Variants in NOD2 observed in about 807,000 individuals in gnomAD.
The protein encoded by NOD2 is nucleotide binding oligomerization domain containing 2, also known as nucleotide-binding oligomerization domain-containing protein 2.
Under a neutral mutation model 90.9 loss-of-function variants are expected in NOD2, and 86 were observed. That is an observed-to-expected ratio of 0.95 (90% CI 0.79 to 1.13). The LOEUF is 1.13. Among genes scored for constraint, NOD2 ranks in the 50% most tolerant of loss-of-function variants. NOD2 has a pLI of 0.00. For synonymous variants in NOD2, 581 were observed against 554.6 expected, an observed-to-expected ratio of 1.05 and a Z score of -0.67; for missense variants, 1,238 against 1,283.8, an observed-to-expected ratio of 0.96 and a Z score of 0.55.
At chr16:50,725,608 T>G (rs1260052312) in intron 10 of NOD2, 36 bp downstream of exon 10, 3 of 1,521,644 alleles carry the variant, frequency 2.0e-6, no homozygotes, top group Non-Finnish European at 9.1e-7. Flanking sequence ...GGACAATAAT[T>G]GCTGGCCTTT....
At chr16:50,719,553 A>G (rs1007319363) in intron 6 of NOD2, among the ~76,000 whole-genome samples, 4 of 152,160 alleles carry the variant, frequency 2.6e-5, no homozygotes, top group Non-Finnish European at 5.9e-5. Context: ...CAGATCTGGG[A>G]AGGCTGCAGA....
In NOD2 at chr16:50,723,272, A is replaced by G. The variant is rs368687248; in HGVS notation, c.2718-29A>G. ...ATCTCTGAGGTCTTTCCCTGCTCTG[A>G]CATACTTTTGTTCCATGATTACCTC... On this transcript the variant is annotated intron_variant, in intron 8 of 11. Transcript: ENST00000647318. 5.0e-6 allele frequency: 8 copies of G among 1,608,040 alleles called. No individual in the cohort carries two copies. The African/African-American group carries it at 1.1e-4, about 21-fold the overall frequency.
At chr16:50,728,399 C>A in intron 10 of NOD2, 1 of 301,294 alleles carries the variant, frequency 3.3e-6, no homozygotes, top group South Asian at 3.2e-5. Flanking sequence ...ATTTTGAATT[C>A]AAATAAGAAA....
At chr16:50,730,923 G>A (rs74457704) in intron 11 of NOD2, among the ~76,000 whole-genome samples, 1,827 of 152,312 alleles carry the variant, frequency 0.012, 37 homozygotes, top group African/African-American at 0.041. Context: ...GCTTTGCTGG[G>A]CGTGGCAGCT....
At chr16:50,710,522 G>A in intron 3 of NOD2, 36 bp from the exon 4 acceptor site, 3 of 1,613,766 alleles carry the variant, frequency 1.9e-6, no homozygotes, top group Non-Finnish European at 2.5e-6. Flanking sequence ...CTTCACCATG[G>A]TGCCACCTTC....
At chr16:50,708,478 C>T (rs1363176222) in intron 3 of NOD2, among the ~76,000 whole-genome samples, 1 of 152,170 alleles carries the variant, frequency 6.6e-6, no homozygotes, top group Non-Finnish European at 1.5e-5. Context: ...GCTTTATGGA[C>T]AATGTCTACC....
At chr16:50,697,204 C>T (rs530145719) in intron 1 of NOD2, 37 of 1,529,490 alleles carry the variant, frequency 2.4e-5, no homozygotes, top group East Asian at 2.2e-4. Flanking sequence ...AAGGCCTACC[C>T]GCAGATGCCA....
intron 5 of NOD2, 49 bp downstream of exon 5, chr16:50,716,719 A>C: frequency 6.3e-7 from 1 of 1,585,286 alleles, no homozygotes; most frequent in Middle Eastern, 1.7e-4. Flanking sequence ...CCCTGGTCTC[A>C]CCCCAGGTCG....
chr16:50,717,055 A>G, intron 6 of NOD2, 81 bp downstream of exon 6: 1 of 1,174,652 alleles, frequency 8.5e-7, no homozygotes, highest in Non-Finnish European at 1.3e-6. Flanking sequence ...TTGGCCTGGC[A>G]CTGCCCACAC....
At chr16:50,715,644 C>G (rs941170013) in intron 4 of NOD2, 1 of 152,180 alleles carries the variant, frequency 6.6e-6, no homozygotes, top group African/African-American at 2.4e-5. Flanking sequence ...TCTCGATCTC[C>G]TGACCTCGTG....
chr16:50,705,335 A>G lies in NOD2; in HGVS notation c.460-2520A>G, dbSNP rs547774739. On this transcript the variant is annotated intron_variant, in intron 2 of 11. Transcript: ENST00000647318. ...TTTTCACCCTATGTAAACTTTTTCT[A>G]CAAGTTTCTTTCCCCTTCCCCCCTT... 2.0e-5 allele frequency among the ~76,000 whole-genome samples: 3 copies of G among 152,246 alleles called. No individual in the cohort carries two copies. In the East Asian group the frequency reaches 5.8e-4, roughly 29 times the overall value.
At chr16:50,720,273 C>T (rs1026540522) in intron 7 of NOD2, among the ~76,000 whole-genome samples, 14 of 152,106 alleles carry the variant, frequency 9.2e-5, no homozygotes, top group African/African-American at 2.9e-4. Flanking sequence ...CCTCAGGGGG[C>T]GCTAGGGCTG....
intron 1 of NOD2, among the ~76,000 whole-genome samples, chr16:50,698,253 C>G (rs2093092758): frequency 6.6e-6 from 1 of 152,208 alleles, no homozygotes; most frequent in African/African-American, 2.4e-5. Context: ...AGGGACCCTG[C>G]CAGGGCTTGA....
chr16:50,725,592 G>A lies in NOD2; in HGVS notation c.2885+20G>A. The A allele has an allele frequency of 6.3e-7, 1 of 1,584,302 alleles. No homozygotes were observed. The highest frequency in any genetic ancestry group is 8.7e-7 in the Non-Finnish European group (1 of 1,152,946). Reference sequence around the variant, plus strand: ...CCTGAAGTAAGGAACCCATAAGCAGGAAACAGGACAATAATTGCTGGCCTT... The same window carrying A: ...CCTGAAGTAAGGAACCCATAAGCAGAAAACAGGACAATAATTGCTGGCCTT... On this transcript the variant is annotated intron_variant, in intron 10 of 11. Coordinates refer to ENST00000647318, the MANE Select transcript of NOD2 (RefSeq NM_001370466.1).
Position 50,711,411 on chromosome 16 carries a change from G to T in NOD2, c.1419G>T (p.Leu473Phe), listed in dbSNP as rs1246426231. 1 of 1,613,606 alleles carries T rather than the reference G, an allele frequency of 6.2e-7. No individual in the cohort carries two copies. The highest frequency in any genetic ancestry group is 1.1e-5 in the South Asian group (1 of 91,086). The change falls in exon 4 of 12, where the codon TTG becomes TTT. Residue 473 changes from leucine to phenylalanine, a missense_variant. Transcript: ENST00000647318. Reference protein sequence around the residue: ...WMVSKCHQELLLQEGGSPKTT... With the variant: ...WMVSKCHQELFLQEGGSPKTT... ...TGTCCAAATGCCACCAGGAACTGTT[G>T]CTGCAGGAGGGGGGGTCCCCAAAGA...
intron 5 of NOD2, 91 bp from the exon 6 acceptor site, chr16:50,716,800 C>T (rs1964819167): frequency 3.4e-6 from 5 of 1,478,934 alleles, no homozygotes; most frequent in Non-Finnish European, 3.8e-6. Flanking sequence ...GCAGGTGATT[C>T]CTGCCCAGAG....
chr16:50,727,805 C>T (rs530471799), intron 10 of NOD2: 20 of 351,646 alleles, frequency 5.7e-5, no homozygotes, highest in Non-Finnish European at 8.5e-5. Context: ...ATTGACTTGC[C>T]GAGCATACTT....
At chr16:50,717,830 G>A (rs1015024860) in intron 6 of NOD2, among the ~76,000 whole-genome samples, 9 of 152,330 alleles carry the variant, frequency 5.9e-5, no homozygotes, top group African/African-American at 2.2e-4. Context: ...AAGGGTGCTA[G>A]TTTCAGAAAT....
intron 4 of NOD2, chr16:50,713,519 A>G (rs2150817452): frequency 6.6e-6 from 1 of 152,336 alleles, no homozygotes; most frequent in African/African-American, 2.4e-5. Flanking sequence ...ATATATATGT[A>G]TTATATGCAA....
Sources: allele counts gnomAD v4.1 joint callset (sites outside exome capture counted in the v4.1 genomes callset), GRCh38; gene constraint gnomAD v4.1.1; transcripts MANE v1.5; gene names NCBI Gene and HGNC (gene_info 2026-07-23, HGNC 2026-07-21).